HLCS: variants seen among roughly 807,000 people sequenced by gnomAD.
The protein encoded by HLCS is biotin--protein ligase.
HLCS carries 53 observed loss-of-function variants against 75.0 expected under a neutral mutation model. The ratio of observed to expected loss-of-function variants is 0.71; its 90% CI spans 0.57 to 0.89. The LOEUF (loss-of-function observed/expected upper bound fraction) is 0.89. HLCS is among the 40% of genes least tolerant of loss of function. The pLI is 0.00. For synonymous variants in HLCS, 431 were observed against 428.6 expected (o/e 1.01, Z -0.07); for missense variants, 966 against 1,074.0 (o/e 0.90, Z 1.41).
intron 6 of HLCS, among the ~76,000 whole-genome samples, chr21:36,881,480 G>A (rs760365232): frequency 1.3e-5 from 2 of 152,216 alleles, no homozygotes; most frequent in Admixed American, 6.5e-5. Flanking sequence ...ACGGAATGAA[G>A]CCGAGTTATG....
intron 6 of HLCS, among the ~76,000 whole-genome samples, chr21:36,777,820 G>C (rs1283360879): frequency 2.6e-5 from 4 of 151,992 alleles, no homozygotes; most frequent in East Asian, 1.9e-4. Flanking sequence ...TGACCCACAG[G>C]GTTATGTGGT....
At chr21:36,898,446 C>CAAAAAAAAAA (rs58625493) in intron 5 of HLCS, among the ~76,000 whole-genome samples, 12 of 49,512 alleles carry the variant, frequency 2.4e-4, no homozygotes, top group Non-Finnish European at 3.6e-4. Flanking sequence ...AACTCCATCT[C>CAAAAAAAAAA]AAAAAAAAAA....
rs1182901636 is a variant in HLCS at position 36,751,287 on chromosome 21, T to C, written c.*2959A>G. On this transcript the variant is annotated 3_prime_UTR_variant, in exon 11 of 11. Coordinates refer to ENST00000674895, the MANE Select transcript of HLCS (RefSeq NM_001352514.2). ...AGAGACATCCTTTGAGAAGTTAAAATTGCAGAGGCTTACGCTTTCTTTTAT... is the reference window on the plus strand; with the variant it reads ...AGAGACATCCTTTGAGAAGTTAAAACTGCAGAGGCTTACGCTTTCTTTTAT... 1 of 152,682 alleles carries C rather than the reference T, an allele frequency of 6.5e-6. No homozygotes were observed. The highest frequency in any genetic ancestry group is 2.4e-5 in the African/African-American group (1 of 41,464). The allele number at this position is 152,682 out of a possible 1,614,324, so 9.5% of individuals were successfully genotyped here. A position where few individuals can be genotyped will look rare whatever the true frequency, so the allele number is the denominator to read the frequency against.
chr21:36,963,469 A>C (rs2068413122), intron 1 of HLCS, among the ~76,000 whole-genome samples: 1 of 152,206 alleles, frequency 6.6e-6, no homozygotes. Flanking sequence ...GTTAAAAAGT[A>C]TGTCCACTTA....
chr21:36,845,358 G>A lies in HLCS; in HGVS notation c.1892+51502C>T, dbSNP rs532510549. Among the ~76,000 whole-genome samples the A allele has an allele frequency of 4.2e-4, 64 of 152,220 alleles. 1 individual carries two copies. Among genetic ancestry groups the A allele is most frequent in the Admixed American group, 1.1e-3 (17 of 15,296 alleles). Reference sequence around the variant, plus strand: ...TGTCACCTTCAGAAACTTCCGTGCCGCGGCACACAACAGTGCTCCCAGCTG... The same window carrying A: ...TGTCACCTTCAGAAACTTCCGTGCCACGGCACACAACAGTGCTCCCAGCTG... On this transcript the variant is annotated intron_variant, in intron 6 of 10. Transcript: ENST00000674895.
intron 6 of HLCS, among the ~76,000 whole-genome samples, chr21:36,772,124 C>A (rs1213268481): frequency 6.6e-6 from 1 of 152,044 alleles, no homozygotes; most frequent in Non-Finnish European, 1.5e-5. Flanking sequence ...GTAAGTCCCA[C>A]TTCTCATTAA....
rs151122110 is a variant in HLCS at position 36,961,202 on chromosome 21, A to G, written c.330+834T>C. Among the ~76,000 whole-genome samples, 17 of 152,362 alleles carry G rather than the reference A, an allele frequency of 1.1e-4. No homozygotes were observed. In the East Asian group the frequency reaches 3.3e-3, roughly 29 times the overall value. ...GGTTGAAGTATTTTCAGAATACTCA[A>G]GGAAAGACGTTTAGGACGTAGGTGG... On this transcript the variant is annotated intron_variant, in intron 2 of 10. Transcript: ENST00000674895.
chr21:36,979,908 A>G (rs1054573632), intron 1 of HLCS, among the ~76,000 whole-genome samples: 35 of 151,774 alleles, frequency 2.3e-4, no homozygotes, highest in Non-Finnish European at 5.9e-5. Flanking sequence ...AAAGAAAATT[A>G]GCCAGGCATG....
chr21:36,818,805 CG>C (rs1330349885), intron 6 of HLCS, among the ~76,000 whole-genome samples: 1 of 152,082 alleles, frequency 6.6e-6, no homozygotes, highest in Admixed American at 6.5e-5. Context: ...AAGATGGAGT[CG>C]GGGCTGAGCA....
At chr21:36,866,402 C>A (rs1378469056) in intron 6 of HLCS, among the ~76,000 whole-genome samples, 1 of 152,198 alleles carries the variant, frequency 6.6e-6, no homozygotes, top group Non-Finnish European at 1.5e-5. Flanking sequence ...TTTTGACGGT[C>A]ATTACACTTT....
intron 6 of HLCS, among the ~76,000 whole-genome samples, chr21:36,858,381 G>T (rs1033220563): frequency 1.3e-5 from 2 of 152,162 alleles, no homozygotes; most frequent in African/African-American, 4.8e-5. Context: ...TCACCACCAA[G>T]CTTTGTTTCC....
intron 5 of HLCS, among the ~76,000 whole-genome samples, chr21:36,900,843 A>G (rs900420007): frequency 2.6e-5 from 4 of 152,230 alleles, no homozygotes; most frequent in Admixed American, 2.6e-4. Flanking sequence ...AAAGAGCCCA[A>G]GATTTCTGGC....
At chr21:36,759,589 A>G (rs938070582) in intron 9 of HLCS, 138 bp downstream of exon 9, 1 of 677,322 alleles carries the variant, frequency 1.5e-6, no homozygotes, top group Admixed American at 2.1e-5. Flanking sequence ...CTGCATCTAT[A>G]CCCTGCTCCA....
At chr21:36,787,625 T>A (rs1422000769) in intron 6 of HLCS, among the ~76,000 whole-genome samples, 3 of 152,122 alleles carry the variant, frequency 2.0e-5, no homozygotes, top group Non-Finnish European at 4.4e-5. Context: ...TCCTTTGCGG[T>A]CTTTCTAGGA....
Position 36,952,825 on chromosome 21 carries a change from CA to C in HLCS, c.330+9210del, listed in dbSNP as rs772640280. On this transcript the variant is annotated intron_variant, in intron 2 of 10. Transcript: ENST00000674895. ...AAAAAAAAAAAAAGAATTAAGTAAC[CA>C]CCATTCAGCAAGAAGGTCTTAATTA... Among the ~76,000 whole-genome samples, 256 of 150,982 alleles carry C rather than the reference CA, an allele frequency of 1.7e-3. 1 individual carries two copies. Among genetic ancestry groups the C allele is most frequent in the Non-Finnish European group, 3.0e-3 (201 of 67,654 alleles).
chr21:36,845,026 C>G (rs570174850), intron 6 of HLCS, among the ~76,000 whole-genome samples: 1 of 152,250 alleles, frequency 6.6e-6, no homozygotes, highest in South Asian at 2.1e-4. Flanking sequence ...GGTTTCTTTT[C>G]AAGCTTACAT....
chr21:36,827,762 CT>C (rs2146033690), intron 6 of HLCS, among the ~76,000 whole-genome samples: 1 of 151,654 alleles, frequency 6.6e-6, no homozygotes, highest in African/African-American at 2.4e-5. Flanking sequence ...ATTATACCCC[CT>C]ATCCTTTTCG....
chr21:36,977,660 G>A (rs1267767121), intron 1 of HLCS, among the ~76,000 whole-genome samples: 1 of 152,192 alleles, frequency 6.6e-6, no homozygotes, highest in African/African-American at 2.4e-5. Context: ...AAGCAATAGA[G>A]GCCATGGTCT....
At chr21:36,923,036 C>A (rs1339367815) in intron 5 of HLCS, among the ~76,000 whole-genome samples, 1 of 152,150 alleles carries the variant, frequency 6.6e-6, no homozygotes, top group Non-Finnish European at 1.5e-5. Context: ...GTTCCGTCAT[C>A]GCCGGGCGCC....
Sources: allele counts gnomAD v4.1 joint callset (sites outside exome capture counted in the v4.1 genomes callset), GRCh38; gene constraint gnomAD v4.1.1; transcripts MANE v1.5; gene names NCBI Gene and HGNC (gene_info 2026-07-23, HGNC 2026-07-21).